TMEM38B: variants seen among roughly 807,000 people sequenced by gnomAD.
TMEM38B encodes the protein transmembrane protein 38B, also known as trimeric intracellular cation channel type B.
Under a neutral mutation model 28.7 loss-of-function variants are expected in TMEM38B, and 24 were observed. The observed-to-expected ratio is 0.84, with a 90% CI of 0.61 to 1.18. The LOEUF (loss-of-function observed/expected upper bound fraction) is 1.18. Among genes scored for constraint, TMEM38B ranks in the 50% most tolerant of loss-of-function variants. TMEM38B has a pLI of 0.00. For synonymous variants in TMEM38B, 131 were observed against 127.7 expected (o/e 1.03, Z -0.17); for missense variants, 380 against 350.9 (o/e 1.08, Z -0.66).
intron 5 of TMEM38B, among the ~76,000 whole-genome samples, chr9:105,750,285 G>GT (rs905598906): frequency 2.1e-4 from 31 of 149,402 alleles, no homozygotes; most frequent in Non-Finnish European, 2.5e-4. Flanking sequence ...CATTCTGTAA[G>GT]TTTTTTTTTT....
intron 4 of TMEM38B, among the ~76,000 whole-genome samples, chr9:105,739,016 C>T (rs567838386): frequency 1.4e-4 from 22 of 152,150 alleles, no homozygotes; most frequent in African/African-American, 5.3e-4. Flanking sequence ...ATCACTGTGC[C>T]TGGCCTGAGT....
At chr9:105,695,748 G>A (rs562371280) in intron 1 of TMEM38B, among the ~76,000 whole-genome samples, 11 of 152,070 alleles carry the variant, frequency 7.2e-5, no homozygotes, top group Non-Finnish European at 1.5e-4. Flanking sequence ...CTTTCTTATG[G>A]ACTACTTACT....
At chr9:105,759,598 G>A (rs1837961274) in intron 5 of TMEM38B, 1 of 1,561,030 alleles carries the variant, frequency 6.4e-7, no homozygotes, top group African/African-American at 1.4e-5. Context: ...AATTGTAGAT[G>A]TGTCAGGGAA....
chr9:105,772,415 C>CT (rs1371581018), intron 5 of TMEM38B, among the ~76,000 whole-genome samples: 3 of 152,170 alleles, frequency 2.0e-5, no homozygotes, highest in African/African-American at 7.2e-5. Flanking sequence ...TTCTATTCCC[C>CT]TGTGCTGTGA....
At chr9:105,732,475 T>G (rs1836787319) in intron 4 of TMEM38B, among the ~76,000 whole-genome samples, 1 of 152,220 alleles carries the variant, frequency 6.6e-6, no homozygotes, top group South Asian at 2.1e-4. Flanking sequence ...CATCTTGAAT[T>G]AATTTTTGTA....
At chr9:105,713,889 G>A in intron 2 of TMEM38B, among the ~76,000 whole-genome samples, 1 of 133,770 alleles carries the variant, frequency 7.5e-6, no homozygotes, top group African/African-American at 3.1e-5. Flanking sequence ...GAGTTGACTG[G>A]CCAGTTGCAG....
At chr9:105,736,536 T>C (rs1452450201) in intron 4 of TMEM38B, among the ~76,000 whole-genome samples, 2 of 152,230 alleles carry the variant, frequency 1.3e-5, no homozygotes, top group African/African-American at 4.8e-5. Context: ...CTATCTGTAT[T>C]CTCTTGTGTC....
chr9:105,695,153 C>CCGCCACTCGCTCGCAGTGT lies in TMEM38B; in HGVS notation c.112+420_112+438dup, dbSNP rs1186454514. Among the ~76,000 whole-genome samples, 1,309 of 149,632 alleles carry CCGCCACTCGCTCGCAGTGT rather than the reference C, an allele frequency of 8.7e-3. 36 individuals are homozygous for CCGCCACTCGCTCGCAGTGT. Among genetic ancestry groups the CCGCCACTCGCTCGCAGTGT allele is most frequent in the African/African-American group, 0.027 (1,085 of 39,474 alleles). On this transcript the variant is annotated intron_variant, in intron 1 of 5. Coordinates refer to ENST00000374692, the MANE Select transcript of TMEM38B (RefSeq NM_018112.3). ...GGGCTTGGGCGGCCTCCTCGCGGTA[C>CCGCCACTCGCTCGCAGTGT]CGCCACTCGCTCGCAGTGTCGCCAC...
intron 5 of TMEM38B, chr9:105,759,497 T>C: frequency 6.3e-7 from 1 of 1,583,350 alleles, no homozygotes; most frequent in East Asian, 2.2e-5. Flanking sequence ...GCTAATGACA[T>C]AATGGGAGGA....
chr9:105,736,060 T>G (rs1836964223), intron 4 of TMEM38B, among the ~76,000 whole-genome samples: 1 of 151,322 alleles, frequency 6.6e-6, no homozygotes, highest in South Asian at 2.1e-4. Context: ...TTTTTGTTTT[T>G]TTTTTTTTTG....
chr9:105,706,779 A>G (rs541689829), intron 2 of TMEM38B, among the ~76,000 whole-genome samples: 1 of 151,684 alleles, frequency 6.6e-6, no homozygotes, highest in East Asian at 1.9e-4. Context: ...CAGTGTTATA[A>G]CTGTTCTTGA....
At chr9:105,711,396 G>A (rs1414328645) in intron 2 of TMEM38B, among the ~76,000 whole-genome samples, 1 of 151,678 alleles carries the variant, frequency 6.6e-6, no homozygotes, top group African/African-American at 2.4e-5. Context: ...AACCGAGATC[G>A]TGCCACTGCA....
chr9:105,729,015 T>C (rs1476429252), intron 4 of TMEM38B, among the ~76,000 whole-genome samples: 2 of 152,208 alleles, frequency 1.3e-5, no homozygotes, highest in East Asian at 3.9e-4. Context: ...AAAAATTTTC[T>C]CCCGTTCTGT....
chr9:105,715,451 CT>C (rs912217497), intron 2 of TMEM38B, among the ~76,000 whole-genome samples: 2 of 151,724 alleles, frequency 1.3e-5, no homozygotes, highest in African/African-American at 4.8e-5. Context: ...GGTACCTACA[CT>C]TTTTTTTAAT....
intron 4 of TMEM38B, among the ~76,000 whole-genome samples, chr9:105,747,517 C>CA (rs1272162384): frequency 6.6e-6 from 1 of 151,954 alleles, no homozygotes; most frequent in Admixed American, 6.6e-5. Flanking sequence ...CTGATCTTTT[C>CA]AAAAAAACAG....
intron 4 of TMEM38B, among the ~76,000 whole-genome samples, chr9:105,731,298 A>T (rs966837112): frequency 6.2e-5 from 6 of 97,252 alleles, no homozygotes; most frequent in African/African-American, 1.4e-4. Context: ...GAACATCTTT[A>T]TTATTATTAT....
intron 2 of TMEM38B, among the ~76,000 whole-genome samples, chr9:105,714,979 A>G (rs1041938963): frequency 7.9e-5 from 12 of 152,210 alleles, no homozygotes; most frequent in Non-Finnish European, 1.5e-4. Flanking sequence ...CAAATTCAGG[A>G]CCATATAGCT....
At chr9:105,729,979 T>C (rs1166907847) in intron 4 of TMEM38B, among the ~76,000 whole-genome samples, 1 of 152,226 alleles carries the variant, frequency 6.6e-6, no homozygotes, top group Admixed American at 6.5e-5. Context: ...GATTTTAGGC[T>C]GAGACGATGG....
In TMEM38B at chr9:105,776,394, T is replaced by G. The variant is rs1367550786; in HGVS notation, c.*2314T>G. ...TTGGCTTTCAGTGGAAATGGTAGCC[T>G]CCCTGTGGGTAGAGACCAAAAGGTA... is the stretch of plus-strand genomic sequence containing the variant. On this transcript the variant is annotated 3_prime_UTR_variant, in exon 6 of 6. Coordinates refer to ENST00000374692, the MANE Select transcript of TMEM38B (RefSeq NM_018112.3). 6.6e-6 allele frequency: 1 copy of G among 152,054 alleles called. No homozygotes were observed. Among genetic ancestry groups the G allele is most frequent in the Non-Finnish European group, 1.5e-5 (1 of 68,008 alleles). The allele number at this position is 152,054 out of a possible 1,614,324, so 9.4% of individuals were successfully genotyped here. A position where few individuals can be genotyped will look rare whatever the true frequency, so the allele number is the denominator to read the frequency against.
Sources: gnomAD v4.1 joint callset for allele counts (sites outside exome capture counted in the v4.1 genomes callset) on GRCh38, gnomAD v4.1.1 for gene constraint, MANE v1.5 for transcripts, NCBI Gene and HGNC (gene_info 2026-07-23, HGNC 2026-07-21) for gene names.